Variants in NDP observed in about 807,000 individuals in gnomAD.
NDP encodes norrin.
A neutral mutation model predicts 8.4 loss-of-function variants in NDP; 2 were observed. The observed-to-expected ratio is 0.24, with a 90% confidence interval of 0.10 to 0.75. NDP has a LOEUF of 0.75. Among genes scored for constraint, NDP ranks in the 30% least tolerant of loss-of-function variants. The probability of loss-of-function intolerance (pLI) is 0.73; values close to 1 mark genes in which losing one functional copy is unlikely to be tolerated. For missense variants in NDP, 81 were observed against 110.1 expected (o/e 0.74, Z 1.18); for synonymous variants, 55 against 45.6 (o/e 1.21, Z -0.83).
intron 2 of NDP, 91 bp downstream of exon 2, chrX:43,958,381 A>G: frequency 9.4e-7 from 1 of 1,059,016 alleles, no homozygotes; most frequent in East Asian, 3.0e-5. Context: ...AGTTTGGGCT[A>G]TGATCTTAGT....
intron 1 of NDP, chrX:43,969,450 C>T (rs923673532): frequency 1.8e-5 from 2 of 112,428 alleles, no homozygotes; most frequent in Non-Finnish European, 3.7e-5. Context: ...CCACATTTCT[C>T]TTAATGTAGG....
intron 1 of NDP, chrX:43,966,634 G>A (rs1211748786): frequency 9.0e-6 from 1 of 111,410 alleles, no homozygotes; most frequent in African/African-American, 3.3e-5. Context: ...AGGTGTTCTG[G>A]GGATACCTGT....
At chrX:43,965,495 A>G (rs887193310) in intron 1 of NDP, among the ~76,000 whole-genome samples, 1 of 111,694 alleles carries the variant, frequency 9.0e-6, no homozygotes, top group African/African-American at 3.3e-5. Context: ...ACCAGTTACT[A>G]TTTCTCTTAA....
At chrX:43,969,130 C>T (rs965158715) in intron 1 of NDP, among the ~76,000 whole-genome samples, 10 of 111,019 alleles carry the variant, frequency 9.0e-5, no homozygotes, top group African/African-American at 1.7e-4. Flanking sequence ...AACTCATCAA[C>T]GAAACTGTTG....
At chrX:43,968,723 G>A (rs1012415003) in intron 1 of NDP, among the ~76,000 whole-genome samples, 40 of 112,242 alleles carry the variant, frequency 3.6e-4, no homozygotes, top group African/African-American at 1.1e-3. Flanking sequence ...GCTGCCAGGC[G>A]TCTTTAAATA....
In NDP at chrX:43,949,714, T is replaced by A. The variant is rs760673487; in HGVS notation, c.*85A>T. 5.3e-5 allele frequency: 50 copies of A among 941,521 alleles called. No homozygotes were observed. Among genetic ancestry groups the A allele is most frequent in the Non-Finnish European group, 7.0e-5 (47 of 668,086 alleles). The allele number at this position is 941,521 out of a possible 1,213,427, so 77.6% of individuals were successfully genotyped here. ...AGAATTGTTGCATCCTTTTTTGCCTTAACTCTTTTCTTGCCAGTCTTTCCC... is the reference window on the plus strand; with the variant it reads ...AGAATTGTTGCATCCTTTTTTGCCTAAACTCTTTTCTTGCCAGTCTTTCCC... On this transcript the variant is annotated 3_prime_UTR_variant, in exon 3 of 3. Transcript: ENST00000642620.
chrX:43,963,990 G>A (rs1242192529), intron 1 of NDP, among the ~76,000 whole-genome samples: 2 of 112,386 alleles, frequency 1.8e-5, no homozygotes, highest in Non-Finnish European at 3.8e-5. Context: ...AGGATGGGCA[G>A]GCAAAAGGTC....
chrX:43,967,264 A>G (rs1396662034), intron 1 of NDP, among the ~76,000 whole-genome samples: 1 of 111,451 alleles, frequency 9.0e-6, no homozygotes, highest in Non-Finnish European at 1.9e-5. Flanking sequence ...GTAATTTTTC[A>G]TAATTTGGTG....
chrX:43,960,622 A>G (rs962485588), intron 1 of NDP, among the ~76,000 whole-genome samples: 2 of 112,408 alleles, frequency 1.8e-5, no homozygotes, highest in Non-Finnish European at 3.8e-5. Context: ...AACAACTCAA[A>G]GAGCCAGAAC....
intron 1 of NDP, among the ~76,000 whole-genome samples, chrX:43,959,517 T>G (rs1215226068): frequency 8.9e-6 from 1 of 112,510 alleles, no homozygotes; most frequent in Non-Finnish European, 1.9e-5. Flanking sequence ...CAGAGTCACA[T>G]TTCTGCAGAG....
chrX:43,968,463 C>T (rs982127546), intron 1 of NDP, among the ~76,000 whole-genome samples: 1 of 112,703 alleles, frequency 8.9e-6, no homozygotes, highest in African/African-American at 3.2e-5. Flanking sequence ...AGTACTGATT[C>T]CAGTTCCAGC....
intron 2 of NDP, 54 bp from the exon 3 acceptor site, chrX:43,950,080 G>A: frequency 9.6e-7 from 1 of 1,041,479 alleles, no homozygotes; most frequent in Non-Finnish European, 1.3e-6. Flanking sequence ...ACCTTAGCCA[G>A]GTAAAACAGC....
chrX:43,970,402 G>C (rs984896966), intron 1 of NDP, among the ~76,000 whole-genome samples: 2 of 112,290 alleles, frequency 1.8e-5, no homozygotes, highest in Non-Finnish European at 3.8e-5. Context: ...AGAAGCTGAG[G>C]GCTGGCTAGG....
Position 43,969,992 on chromosome X carries a change from T to C in NDP, c.-208+3312A>G, listed in dbSNP as rs750421856. Among the ~76,000 whole-genome samples, 3 of 111,818 alleles carry C rather than the reference T, an allele frequency of 2.7e-5. No individual in the cohort carries two copies. In the Admixed American group the frequency reaches 2.8e-4, roughly 11 times the overall value. ...TAGCTGGATTCTTTTCTGAATTAGA[T>C]TATGCGAAAGAAAGAAGGGAAATAT... On this transcript the variant is annotated intron_variant, in intron 1 of 2. Transcript: ENST00000642620.
intron 2 of NDP, among the ~76,000 whole-genome samples, chrX:43,950,855 T>C (rs1025288708): frequency 1.8e-5 from 2 of 111,658 alleles, no homozygotes; most frequent in Admixed American, 9.5e-5. Flanking sequence ...ACTACCAAAG[T>C]TATCCCCAGA....
At chrX:43,973,169 A>T (rs1326088639) in intron 1 of NDP, 135 bp downstream of exon 1, 1 of 112,794 alleles carries the variant, frequency 8.9e-6, no homozygotes, top group East Asian at 2.8e-4. Context: ...CATGCTACAG[A>T]TTAATGCAAA....
Position 43,958,638 on chromosome X carries a change from T to C in NDP, c.8A>G (p.Lys3Arg). 2 of 1,211,004 alleles carry C rather than the reference T, an allele frequency of 1.7e-6. No individual in the cohort carries two copies. The highest frequency in any genetic ancestry group is 2.2e-6 in the Non-Finnish European group (2 of 894,841). MR[K>R]HVLAASFSML... The stretch of plus-strand genomic sequence containing the variant: ...AGAAAAGGATGCAGCTAGTACATGT[T>C]TTCTCATTGTTGTAAGGAAAAACTT... Residue 3 changes from lysine to arginine, a missense_variant, in exon 2 of 3, where the codon AAA (lysine) becomes AGA (arginine). Lys to Arg is a conservative substitution (Grantham distance 26). Coordinates refer to ENST00000642620, the MANE Select transcript of NDP (RefSeq NM_000266.4).
intron 2 of NDP, chrX:43,953,294 C>T (rs2035773143): frequency 8.9e-6 from 1 of 112,645 alleles, no homozygotes; most frequent in Non-Finnish European, 1.9e-5. Context: ...ATTTTAGCTT[C>T]TGCCATGCCT....
intron 1 of NDP, among the ~76,000 whole-genome samples, chrX:43,969,174 A>G (rs1040539): frequency 0.25 from 27,348 of 111,144 alleles, 2,722 homozygotes; most frequent in Non-Finnish European, 0.3. Flanking sequence ...AAAGAAAGAA[A>G]AAATCCCGCC....
Sources: allele counts gnomAD v4.1 joint callset (sites outside exome capture counted in the v4.1 genomes callset), GRCh38; gene constraint gnomAD v4.1.1; transcripts MANE v1.5; gene names NCBI Gene and HGNC (gene_info 2026-07-23, HGNC 2026-07-21).